MSI2: variants seen among roughly 807,000 people sequenced by gnomAD.
The protein encoded by MSI2 is RNA-binding protein Musashi homolog 2.
In MSI2, 17 loss-of-function variants were observed where a neutral mutation model predicts 45.6. The ratio of observed to expected loss-of-function variants is 0.37; its 90% CI spans 0.26 to 0.56. The LOEUF is 0.56. MSI2 is among the 20% of genes least tolerant of loss of function. The pLI is 0.77. For synonymous variants in MSI2, 156 were observed against 158.2 expected (o/e 0.99, Z 0.11); for missense variants, 293 against 444.2 (o/e 0.66, Z 3.06).
At chr17:57,619,208 G>A (rs1021998454) in intron 9 of MSI2, among the ~76,000 whole-genome samples, 3 of 152,216 alleles carry the variant, frequency 2.0e-5, no homozygotes, top group African/African-American at 7.2e-5. Context: ...CTGAACAGAA[G>A]GGTACCTAAC....
intron 7 of MSI2, among the ~76,000 whole-genome samples, chr17:57,558,187 G>A (rs1358432285): frequency 2.6e-5 from 4 of 152,106 alleles, no homozygotes; most frequent in Admixed American, 2.6e-4. Flanking sequence ...ACGCCGTTAT[G>A]GTCTCAGCGT....
intron 5 of MSI2, among the ~76,000 whole-genome samples, chr17:57,366,441 T>G (rs942316133): frequency 6.6e-6 from 1 of 152,244 alleles, no homozygotes; most frequent in African/African-American, 2.4e-5. Context: ...TCTGACCACA[T>G]GCTGCTCTTA....
intron 6 of MSI2, among the ~76,000 whole-genome samples, chr17:57,433,362 A>G (rs1371173826): frequency 6.6e-6 from 1 of 152,158 alleles, no homozygotes; most frequent in Non-Finnish European, 1.5e-5. Context: ...GAAGATCTGA[A>G]GTCGAACCCA....
intron 8 of MSI2, among the ~76,000 whole-genome samples, chr17:57,607,332 C>T (rs999535020): frequency 3.3e-4 from 51 of 152,340 alleles, no homozygotes; most frequent in African/African-American, 1.2e-3. Context: ...CCATTTATAA[C>T]ATGCATGTGT....
chr17:57,591,250 G>A (rs912028903), intron 7 of MSI2, among the ~76,000 whole-genome samples: 3 of 152,194 alleles, frequency 2.0e-5, no homozygotes, highest in Admixed American at 6.5e-5. Flanking sequence ...CTAGGGCAAT[G>A]AGAAGGAAAT....
At chr17:57,644,530 G>A (rs1910508650) in intron 10 of MSI2, among the ~76,000 whole-genome samples, 2 of 152,134 alleles carry the variant, frequency 1.3e-5, no homozygotes, top group Non-Finnish European at 2.9e-5. Context: ...CAGCCAGGAT[G>A]ACAGATGGCG....
At chr17:57,592,606 A>G (rs1210608192) in intron 7 of MSI2, among the ~76,000 whole-genome samples, 5 of 152,206 alleles carry the variant, frequency 3.3e-5, no homozygotes, top group African/African-American at 1.2e-4. Context: ...CTGAATTGTT[A>G]TGCATCCAGG....
intron 9 of MSI2, among the ~76,000 whole-genome samples, chr17:57,617,228 C>G (rs1362520683): frequency 6.6e-6 from 1 of 152,164 alleles, no homozygotes; most frequent in East Asian, 1.9e-4. Context: ...TGTTAATTCT[C>G]CTCATATGAA....
At chr17:57,605,446 T>C (rs1324772187) in intron 8 of MSI2, among the ~76,000 whole-genome samples, 1 of 152,158 alleles carries the variant, frequency 6.6e-6, no homozygotes, top group Non-Finnish European at 1.5e-5. Context: ...CAGTGGTCTG[T>C]CTCCTCAGTA....
intron 5 of MSI2, among the ~76,000 whole-genome samples, chr17:57,296,111 G>C (rs889326676): frequency 2.1e-5 from 3 of 139,706 alleles, no homozygotes; most frequent in Non-Finnish European, 3.0e-5. Flanking sequence ...TTTGCATATA[G>C]ATATTTCATT....
chr17:57,368,595 A>G (rs994879663), intron 5 of MSI2, among the ~76,000 whole-genome samples: 2 of 152,232 alleles, frequency 1.3e-5, no homozygotes, highest in African/African-American at 4.8e-5. Flanking sequence ...TTGATTTCTA[A>G]TATGATAAAT....
downstream of MSI2, among the ~76,000 whole-genome samples, chr17:57,686,877 A>G (rs1464007135): frequency 2.0e-5 from 3 of 152,170 alleles, no homozygotes; most frequent in Admixed American, 2.0e-4. Context: ...GAAGAATTGA[A>G]TAATGCAATT....
intron 5 of MSI2, among the ~76,000 whole-genome samples, chr17:57,365,615 T>C (rs999500720): frequency 6.6e-6 from 1 of 151,908 alleles, no homozygotes; most frequent in Non-Finnish European, 1.5e-5. Context: ...TTAGGAGGGA[T>C]GGGAGGAGCC....
intron 10 of MSI2, chr17:57,629,857 C>T (rs1206413775): frequency 6.6e-6 from 1 of 152,418 alleles, no homozygotes; most frequent in Admixed American, 6.5e-5. Context: ...CAACCTGCTC[C>T]CCTCCGTAAT....
At chr17:57,403,067 G>T (rs2084022154) in intron 6 of MSI2, among the ~76,000 whole-genome samples, 1 of 152,146 alleles carries the variant, frequency 6.6e-6, no homozygotes, top group South Asian at 2.1e-4. Flanking sequence ...CTATCTTTCT[G>T]CTTTTAAAAC....
In MSI2 at chr17:57,347,615, C is replaced by T. The variant is rs116635631; in HGVS notation, c.313-53764C>T. ...TTATATTGGAGTTGTTCTGTCTTCA[C>T]GATTGTACATGTGATGTTCAGCGAG... On this transcript the variant is annotated intron_variant, in intron 5 of 13. Coordinates refer to ENST00000284073, the MANE Select transcript of MSI2 (RefSeq NM_138962.4). 6.3e-3 allele frequency among the ~76,000 whole-genome samples: 958 copies of T among 152,232 alleles called. 8 individuals carry two copies. The highest frequency in any genetic ancestry group is 0.022 in the African/African-American group (907 of 41,536).
intron 5 of MSI2, among the ~76,000 whole-genome samples, chr17:57,330,596 A>G (rs889340604): frequency 6.6e-6 from 1 of 151,810 alleles, no homozygotes; most frequent in Non-Finnish European, 1.5e-5. Context: ...ATTAATTCCT[A>G]ACTTGTAAAG....
At chr17:57,360,236 C>G (rs1038165139) in intron 5 of MSI2, among the ~76,000 whole-genome samples, 1 of 152,252 alleles carries the variant, frequency 6.6e-6, no homozygotes, top group African/African-American at 2.4e-5. Flanking sequence ...CTGCCACATG[C>G]TCGTGCTTGT....
At chr17:57,612,893 G>A (rs924529371) in intron 8 of MSI2, among the ~76,000 whole-genome samples, 1 of 152,168 alleles carries the variant, frequency 6.6e-6, no homozygotes, top group Non-Finnish European at 1.5e-5. Flanking sequence ...GTTGGCTTTG[G>A]GTAATTATCT....
Sources: allele counts gnomAD v4.1 joint callset (sites outside exome capture counted in the v4.1 genomes callset), GRCh38; gene constraint gnomAD v4.1.1; transcripts MANE v1.5; gene names NCBI Gene and HGNC (gene_info 2026-07-23, HGNC 2026-07-21).